Variants in GALNT13 observed in about 807,000 individuals in gnomAD.
GALNT13 encodes the protein UDP-GalNAc:polypeptide N-acetylgalactosaminyltransferase 13.
GALNT13 carries 28 observed loss-of-function variants against 64.2 expected under a neutral mutation model. That is an observed-to-expected ratio of 0.44 (90% CI 0.32 to 0.60). The LOEUF is 0.60. Ranked by LOEUF, GALNT13 falls within the 20% of genes least tolerant of loss-of-function variation. The pLI, the probability that GALNT13 is intolerant of heterozygous loss-of-function variation, is 0.05. For missense variants in GALNT13, 577 were observed against 669.8 expected (o/e 0.86, Z 1.53); for synonymous variants, 214 against 224.6 (o/e 0.95, Z 0.42).
the GALNT13 span, among the ~76,000 whole-genome samples, chr2:153,302,097 G>A: frequency 1.9e-4 from 29 of 152,094 alleles, no homozygotes; most frequent in Non-Finnish European, 2.9e-4. Context: ...TGGTAGTTAC[G>A]TTATACTTTT....
At chr2:154,298,725 T>TACAATG (rs1429511931) in intron 8 of GALNT13, among the ~76,000 whole-genome samples, 4 of 97,920 alleles carry the variant, frequency 4.1e-5, no homozygotes, top group East Asian at 6.6e-4. Context: ...ATAAATTATA[T>TACAATG]TATTTATATA....
chr2:153,244,932 C>A, the GALNT13 span, among the ~76,000 whole-genome samples: 1 of 152,332 alleles, frequency 6.6e-6, no homozygotes, highest in Non-Finnish European at 1.5e-5. Flanking sequence ...GATGATTGAG[C>A]TTGGTGTGGG....
chr2:153,243,953 T>G, the GALNT13 span, among the ~76,000 whole-genome samples: 1 of 152,072 alleles, frequency 6.6e-6, no homozygotes, highest in Non-Finnish European at 1.5e-5. Flanking sequence ...GAATTAAAAT[T>G]GGATAGATTT....
the GALNT13 span, among the ~76,000 whole-genome samples, chr2:153,230,612 A>ATTTCCCCCT: frequency 6.6e-6 from 1 of 152,234 alleles, no homozygotes; most frequent in Non-Finnish European, 1.5e-5. Context: ...TCAGAACTAC[A>ATTTCCCCCT]GTAGAGCAAT....
chr2:154,197,376 G>A lies in GALNT13; in HGVS notation c.312-44654G>A, dbSNP rs138808982. ...GTTTCTCCAAACAAAGAAGCCCAAAGAAGCCTAGGGCAATGACCACGCATT... is the reference window on the plus strand; with the variant it reads ...GTTTCTCCAAACAAAGAAGCCCAAAAAAGCCTAGGGCAATGACCACGCATT... On this transcript the variant is annotated intron_variant, in intron 4 of 12. Transcript: ENST00000392825. Among the ~76,000 whole-genome samples, 134 of 152,218 alleles carry A rather than the reference G, an allele frequency of 8.8e-4. 3 individuals are homozygous for A. The East Asian group carries it at 0.02, about 22-fold the overall frequency.
At chr2:153,846,402 T>C in the GALNT13 span, among the ~76,000 whole-genome samples, 22 of 152,112 alleles carry the variant, frequency 1.4e-4, no homozygotes, top group Non-Finnish European at 3.1e-4. Flanking sequence ...TTTATAGGTA[T>C]TCACTAAGAA....
At chr2:153,799,146 TATAA>T in the GALNT13 span, among the ~76,000 whole-genome samples, 50 of 152,276 alleles carry the variant, frequency 3.3e-4, no homozygotes, top group South Asian at 3.1e-3. Flanking sequence ...GAAACACAGA[TATAA>T]ATAAAGACCA....
chr2:153,199,778 T>C, the GALNT13 span, among the ~76,000 whole-genome samples: 2 of 152,226 alleles, frequency 1.3e-5, no homozygotes, highest in African/African-American at 4.8e-5. Flanking sequence ...TTTTCCTGCA[T>C]ACTATAAAGA....
the GALNT13 span, among the ~76,000 whole-genome samples, chr2:153,769,522 T>A: frequency 6.6e-6 from 1 of 152,188 alleles, no homozygotes; most frequent in Non-Finnish European, 1.5e-5. Flanking sequence ...TTTTCCTTCC[T>A]GTTGACTTTG....
At chr2:153,255,490 G>T in the GALNT13 span, among the ~76,000 whole-genome samples, 118,815 of 144,884 alleles carry the variant, frequency 0.82, 49,872 homozygotes, top group African/African-American at 0.91. Context: ...ATATTGTTAT[G>T]TGTGAATTTG....
chr2:153,183,171 T>G, the GALNT13 span, among the ~76,000 whole-genome samples: 1 of 152,240 alleles, frequency 6.6e-6, no homozygotes, highest in Non-Finnish European at 1.5e-5. Flanking sequence ...ATAGCCATTC[T>G]GACTGGCATG....
chr2:154,262,506 T>A (rs1053380502), intron 8 of GALNT13, among the ~76,000 whole-genome samples: 3 of 152,224 alleles, frequency 2.0e-5, no homozygotes, highest in African/African-American at 7.2e-5. Context: ...CAGTTAGGTC[T>A]TAATGCTTCT....
chr2:154,299,869 T>TAA (rs1389428138), intron 8 of GALNT13, among the ~76,000 whole-genome samples: 1 of 152,002 alleles, frequency 6.6e-6, no homozygotes, highest in African/African-American at 2.4e-5. Flanking sequence ...GTTGGACCTA[T>TAA]TTTTCTGCTA....
chr2:153,826,041 C>T, the GALNT13 span, among the ~76,000 whole-genome samples: 86 of 152,262 alleles, frequency 5.6e-4, 1 homozygote, highest in Admixed American at 4.8e-3. Flanking sequence ...TCTCTATCCC[C>T]ATCTCTTTCA....
intron 2 of GALNT13, among the ~76,000 whole-genome samples, chr2:153,921,504 C>G (rs921400305): frequency 2.0e-5 from 3 of 152,024 alleles, no homozygotes; most frequent in African/African-American, 7.2e-5. Flanking sequence ...AGAAAAATAC[C>G]CATTGGGTAC....
chr2:153,901,322 T>C (rs986295082), intron 2 of GALNT13, among the ~76,000 whole-genome samples: 3 of 152,130 alleles, frequency 2.0e-5, no homozygotes, highest in African/African-American at 7.2e-5. Context: ...CTTTTTGGTT[T>C]ATGAATTATA....
chr2:153,925,498 C>CTTTTTTTTTTTTTTTTT (rs35443709), intron 2 of GALNT13, among the ~76,000 whole-genome samples: 1 of 117,656 alleles, frequency 8.5e-6, no homozygotes. Flanking sequence ...AAGCCTCGAG[C>CTTTTTTTTTTTTTTTTT]TTTTTTTTTT....
chr2:153,241,015 A>G, the GALNT13 span, among the ~76,000 whole-genome samples: 1 of 152,130 alleles, frequency 6.6e-6, no homozygotes, highest in Non-Finnish European at 1.5e-5. Flanking sequence ...AGAACAGGAG[A>G]ATACTTAGAA....
chr2:154,078,264 AC>A (rs1169138200), intron 3 of GALNT13, among the ~76,000 whole-genome samples: 1 of 151,614 alleles, frequency 6.6e-6, no homozygotes, highest in Non-Finnish European at 1.5e-5. Flanking sequence ...TAGTTCATTT[AC>A]CACAGGTATA....
Sources: allele counts gnomAD v4.1 joint callset (sites outside exome capture counted in the v4.1 genomes callset), GRCh38; gene constraint gnomAD v4.1.1; transcripts MANE v1.5; gene names NCBI Gene and HGNC (gene_info 2026-07-23, HGNC 2026-07-21).